The following NDUFS1 variants were observed in gnomAD, a reference collection of about 807,000 sequenced individuals.
NDUFS1 encodes NADH-ubiquinone oxidoreductase 75 kDa subunit, mitochondrial.
NDUFS1 carries 61 observed loss-of-function variants against 84.4 expected under a neutral mutation model. The observed-to-expected ratio is 0.72, with a 90% CI of 0.59 to 0.89. The LOEUF (loss-of-function observed/expected upper bound fraction) is 0.89, where lower values mean the gene tolerates loss of function less well. Ranked by LOEUF, NDUFS1 falls within the 40% of genes least tolerant of loss-of-function variation. NDUFS1 has a pLI of 0.00. For missense variants in NDUFS1, 891 were observed against 890.0 expected, an observed-to-expected ratio of 1.00 and a Z score of -0.01; for synonymous variants, 275 against 290.0, an observed-to-expected ratio of 0.95 and a Z score of 0.53.
At chr2:206,150,410 A>C (rs1692328564) in intron 3 of NDUFS1, among the ~76,000 whole-genome samples, 1 of 152,174 alleles carries the variant, frequency 6.6e-6, no homozygotes, top group Non-Finnish European at 1.5e-5. Flanking sequence ...TTGCCCAGTA[A>C]GGGGGATTAT....
rs1691099121 is a variant in NDUFS1, at chr2:206,121,663, G to A, written c.*2522C>T. ...AGACAGGGTTTCACCACGTTGGCCA[G>A]GCTGGTCTCAAACTCCTGACCTCAA... On this transcript the variant is annotated 3_prime_UTR_variant, in exon 19 of 19. Coordinates refer to ENST00000233190, the MANE Select transcript of NDUFS1 (RefSeq NM_005006.7). The A allele has an allele frequency of 6.6e-6, 1 of 152,178 alleles. No homozygotes were observed. 9.4% of individuals were successfully genotyped at this position (152,178 alleles called of 1,614,324 possible). A position where few individuals can be genotyped will look rare whatever the true frequency, so the allele number is the denominator to read the frequency against.
At chr2:206,155,660 C>A (rs184208478) in intron 1 of NDUFS1, among the ~76,000 whole-genome samples, 203 of 152,080 alleles carry the variant, frequency 1.3e-3, no homozygotes, top group African/African-American at 4.9e-3. Context: ...TCAGGTGATC[C>A]ACCTGCCTTG....
chr2:206,139,905 C>T (rs1039519494), intron 12 of NDUFS1, among the ~76,000 whole-genome samples: 1 of 138,052 alleles, frequency 7.2e-6, no homozygotes, highest in Non-Finnish European at 1.5e-5. Context: ...AAAAAAGGGA[C>T]CAGAAGAGTC....
At chr2:206,130,745 C>G (rs1313081753) in intron 14 of NDUFS1, among the ~76,000 whole-genome samples, 1 of 152,176 alleles carries the variant, frequency 6.6e-6, no homozygotes. Flanking sequence ...AAAGAAATGT[C>G]AGATTCTTAG....
intron 7 of NDUFS1, 40 bp from the exon 8 acceptor site, chr2:206,147,128 C>T: frequency 2.5e-6 from 4 of 1,581,638 alleles, no homozygotes; most frequent in Non-Finnish European, 3.5e-6. Context: ...TCAAGTCCAG[C>T]AAAATTATTT....
Position 206,149,087 on chromosome 2 carries a change from C to T in NDUFS1, c.271G>A (p.Ala91Thr). ...EIEKAPKVVA[A>T]CAMPVMKGWN... is the part of the protein sequence containing the mutation. ...CCCTTCATTACTGGCATGGCACAAG[C>T]AGCTACAACCTGGGATTTCAATGAA... is the stretch of plus-strand genomic sequence containing the variant. The change falls in exon 5 of 19, where the codon GCT (alanine) becomes ACT (threonine). Residue 91 changes from alanine to threonine, a missense_variant. Physicochemically the swap from Ala to Thr is moderately conservative, Grantham distance 58. Transcript: ENST00000233190. 3 of 1,611,380 alleles carry T rather than the reference C, an allele frequency of 1.9e-6. No individual in the cohort carries two copies. The highest frequency in any genetic ancestry group is 2.5e-6 in the Non-Finnish European group (3 of 1,178,858).
At chr2:206,126,250 T>C (rs535249585) in intron 18 of NDUFS1, among the ~76,000 whole-genome samples, 4 of 152,346 alleles carry the variant, frequency 2.6e-5, no homozygotes, top group South Asian at 4.1e-4. Context: ...TTTGCCACTT[T>C]GGAAAATTCA....
Position 206,138,540 on chromosome 2 carries a change from C to G in NDUFS1, c.1337G>C (p.Gly446Ala). Residue 446 changes from glycine (G) to alanine (A), a missense_variant, in exon 13 of 19, where the codon GGA (glycine) becomes GCA (alanine). By Grantham distance (60) the Gly-to-Ala change is moderately conservative. Transcript: ENST00000233190. ...VDLTYTYDHL[G>A]DSPKILQDIA... ...GTCTTGAAGAATTTTGGGGGAGTCTCCCAGGTGGTCATATGTGTAAGTGAG... is the reference window on the plus strand; with the variant it reads ...GTCTTGAAGAATTTTGGGGGAGTCTGCCAGGTGGTCATATGTGTAAGTGAG... 1.9e-6 allele frequency: 3 copies of G among 1,614,034 alleles called. No homozygotes were observed. Among genetic ancestry groups the G allele is most frequent in the Non-Finnish European group, 2.5e-6 (3 of 1,179,924 alleles).
At chr2:206,156,657 A>G (rs1687666795) in intron 1 of NDUFS1, among the ~76,000 whole-genome samples, 1 of 152,254 alleles carries the variant, frequency 6.6e-6, no homozygotes, top group Non-Finnish European at 1.5e-5. Flanking sequence ...TTGCAATAGT[A>G]TTATTGAATA....
Position 206,142,833 on chromosome 2 carries a change from T to C in NDUFS1, c.988-2A>G, listed in dbSNP as rs571051013. Reference sequence around the variant, plus strand: ...ATCTTTGCCTTGAAAACTCTGCAACTAGAAACAGATGAAAAGGGCATCACC... The same window carrying C: ...ATCTTTGCCTTGAAAACTCTGCAACCAGAAACAGATGAAAAGGGCATCACC... On this transcript the variant is annotated splice_acceptor_variant, in intron 10 of 18. Coordinates refer to ENST00000233190, the MANE Select transcript of NDUFS1 (RefSeq NM_005006.7). LOFTEE classifies it high-confidence loss of function. 9 of 1,613,888 alleles carry C rather than the reference T, an allele frequency of 5.6e-6. No homozygotes were observed. The East Asian group carries it at 1.6e-4, about 28-fold the overall frequency.
intron 10 of NDUFS1, 100 bp downstream of exon 10, chr2:206,143,917 TA>T: frequency 1.0e-6 from 1 of 963,230 alleles, no homozygotes; most frequent in Non-Finnish European, 1.6e-6. Context: ...ATAATCTTGG[TA>T]AAAGTAAAAA....
At position 206,157,827 on chromosome 2, in the gene NDUFS1, T is replaced by A. The variant is rs557921653; in HGVS notation, c.-5+1514A>T. Among the ~76,000 whole-genome samples the A allele has an allele frequency of 3.9e-5, 6 of 152,296 alleles. No individual in the cohort carries two copies. In the South Asian group the frequency reaches 8.3e-4, roughly 21 times the overall value. On this transcript the variant is annotated intron_variant, in intron 1 of 18. Coordinates refer to ENST00000233190, the MANE Select transcript of NDUFS1 (RefSeq NM_005006.7). ...GTTAATGACTAATCATTTCTTAAACTAGACTGGATACTTTTCCATATAGGG... is the reference window on the plus strand; with the variant it reads ...GTTAATGACTAATCATTTCTTAAACAAGACTGGATACTTTTCCATATAGGG...
rs1340377287 is a variant in NDUFS1 at position 206,117,580 on chromosome 2, T to C, written c.*6605A>G. 6.6e-6 allele frequency: 1 copy of C among 152,220 alleles called. No individual in the cohort carries two copies. The highest frequency in any genetic ancestry group is 1.5e-5 in the Non-Finnish European group (1 of 68,064). 9.4% of individuals were successfully genotyped at this position (152,220 alleles called of 1,614,324 possible). Reference sequence around the variant, plus strand: ...TCCAGAGTAGCTGGGATTACAGGTGTCTTGCCACCATGCCCGGCTAATTTT... The same window carrying C: ...TCCAGAGTAGCTGGGATTACAGGTGCCTTGCCACCATGCCCGGCTAATTTT... On this transcript the variant is annotated 3_prime_UTR_variant, in exon 19 of 19. Transcript: ENST00000233190.
At chr2:206,137,920 A>T (rs989106304) in intron 13 of NDUFS1, among the ~76,000 whole-genome samples, 2 of 152,214 alleles carry the variant, frequency 1.3e-5, no homozygotes, top group African/African-American at 4.8e-5. Flanking sequence ...AAACTCTGGC[A>T]AATAAAAACT....
rs1416725452 is a variant in NDUFS1, at chr2:206,121,297, T to C, written c.*2888A>G. On this transcript the variant is annotated 3_prime_UTR_variant, in exon 19 of 19. Transcript: ENST00000233190. Reference sequence around the variant, plus strand: ...ACCAGACAGGTTACTCTCATCTACGTGTATTTTTCTTACATCTTTTTCAGT... The same window carrying C: ...ACCAGACAGGTTACTCTCATCTACGCGTATTTTTCTTACATCTTTTTCAGT... 1 of 152,202 alleles carries C rather than the reference T, an allele frequency of 6.6e-6. No individual in the cohort carries two copies. Among genetic ancestry groups the C allele is most frequent in the Non-Finnish European group, 1.5e-5 (1 of 68,042 alleles). 9.4% of individuals were successfully genotyped at this position (152,202 alleles called of 1,614,324 possible).
intron 15 of NDUFS1, 148 bp downstream of exon 15, chr2:206,129,940 T>C (rs1691440002): frequency 1.2e-6 from 1 of 824,082 alleles, no homozygotes. Context: ...ATAACACTTG[T>C]GGTTTGTTTA....
rs190546590 is a variant in NDUFS1 at position 206,127,669 on chromosome 2, T to A, written c.1884+128A>T. The A allele has an allele frequency of 9.8e-5, 99 of 1,013,710 alleles. No individual in the cohort carries two copies. The African/African-American group carries it at 1.4e-3, about 14-fold the overall frequency. The allele number at this position is 1,013,710 out of a possible 1,614,324, so 62.8% of individuals were successfully genotyped here. A position where few individuals can be genotyped will look rare whatever the true frequency, so the allele number is the denominator to read the frequency against. Reference sequence around the variant, plus strand: ...CCTGTTTCTGAATACATGTTTTCTATAGAAATTATTCAAATCATCTCTGCA... The same window carrying A: ...CCTGTTTCTGAATACATGTTTTCTAAAGAAATTATTCAAATCATCTCTGCA... On this transcript the variant is annotated intron_variant, in intron 16 of 18. Coordinates refer to ENST00000233190, the MANE Select transcript of NDUFS1 (RefSeq NM_005006.7).
rs987970474 is a variant in NDUFS1, at chr2:206,116,750, G to A, written c.*7435C>T. On this transcript the variant is annotated 3_prime_UTR_variant, in exon 19 of 19. Transcript: ENST00000233190. ...ATATTTTTAAAAATTAGCTGGGCGC[G>A]GTGGCTTACGCCTGTAATCCCAGCA... 9.0e-5 allele frequency: 21 copies of A among 234,284 alleles called. No homozygotes were observed. Among genetic ancestry groups the A allele is most frequent in the South Asian group, 5.7e-5 (1 of 17,430 alleles). The allele number at this position is 234,284 out of a possible 1,614,324, so 14.5% of individuals were successfully genotyped here.
rs1691035164 is a variant in NDUFS1, at chr2:206,119,405, ATTT to A, written c.*4777_*4779del. ...ATTGGTACTGGGTATTGTCAAATAT[ATTT>A]TTTAATTTTTACTTTTTTTCAGACA... On this transcript the variant is annotated 3_prime_UTR_variant, in exon 19 of 19. Coordinates refer to ENST00000233190, the MANE Select transcript of NDUFS1 (RefSeq NM_005006.7). The A allele has an allele frequency of 6.6e-6, 1 of 152,076 alleles. No homozygotes were observed. Among genetic ancestry groups the A allele is most frequent in the Non-Finnish European group, 1.5e-5 (1 of 68,000 alleles). The allele number at this position is 152,076 out of a possible 1,614,324, so 9.4% of individuals were successfully genotyped here. A position where few individuals can be genotyped will look rare whatever the true frequency, so the allele number is the denominator to read the frequency against.
Sources: allele counts gnomAD v4.1 joint callset (sites outside exome capture counted in the v4.1 genomes callset), GRCh38; gene constraint gnomAD v4.1.1; transcripts MANE v1.5; gene names NCBI Gene and HGNC (gene_info 2026-07-23, HGNC 2026-07-21).